Variants in BTBD8 observed in about 807,000 individuals in gnomAD.
The protein encoded by BTBD8 is BTB domain containing 8.
Under a neutral mutation model 162.9 loss-of-function variants are expected in BTBD8, and 110 were observed. That is an observed-to-expected ratio of 0.68 (90% CI 0.58 to 0.79). The LOEUF is 0.79. Among genes scored for constraint, BTBD8 ranks in the 30% least tolerant of loss-of-function variants. BTBD8 has a pLI of 0.00. For missense variants in BTBD8, 1,905 were observed against 2,085.4 expected (o/e 0.91, Z 1.68); for synonymous variants, 667 against 716.1 (o/e 0.93, Z 1.10).
At chr1:92,141,037 A>T in intron 6 of BTBD8, 78 bp from the exon 7 acceptor site, 1 of 1,295,342 alleles carries the variant, frequency 7.7e-7, no homozygotes, top group East Asian at 2.8e-5. Flanking sequence ...AACAGACTAT[A>T]TATTATCAAT....
intron 4 of BTBD8, chr1:92,115,345 TG>T: frequency 2.2e-6 from 1 of 453,592 alleles, no homozygotes; most frequent in Non-Finnish European, 4.2e-6. Flanking sequence ...GCTAAGCAGT[TG>T]GTGGTACAGG....
intron 7 of BTBD8, among the ~76,000 whole-genome samples, chr1:92,142,915 T>G (rs1649811206): frequency 6.6e-6 from 1 of 152,192 alleles, no homozygotes; most frequent in African/African-American, 2.4e-5. Context: ...ATTTATAGTC[T>G]TCCATATGAA....
At chr1:92,156,300 T>G (rs1650157421) in intron 9 of BTBD8, among the ~76,000 whole-genome samples, 1 of 152,206 alleles carries the variant, frequency 6.6e-6, no homozygotes, top group South Asian at 2.1e-4. Flanking sequence ...ATCTTTATAA[T>G]GTACTGTTGA....
At chr1:92,158,102 C>T (rs938139807) in intron 9 of BTBD8, among the ~76,000 whole-genome samples, 3 of 151,952 alleles carry the variant, frequency 2.0e-5, no homozygotes, top group Non-Finnish European at 2.9e-5. Flanking sequence ...TTTTTTATTC[C>T]TTCACTTCCA....
At chr1:92,153,562 T>C (rs772685207) in intron 9 of BTBD8, among the ~76,000 whole-genome samples, 5 of 152,154 alleles carry the variant, frequency 3.3e-5, no homozygotes, top group Non-Finnish European at 7.4e-5. Context: ...CACCATTCCA[T>C]TCTCTGATTC....
intron 9 of BTBD8, among the ~76,000 whole-genome samples, chr1:92,161,415 T>TTAG (rs1650270784): frequency 6.6e-6 from 1 of 152,234 alleles, no homozygotes. Context: ...TAAATATGTT[T>TTAG]TAGTGTGAGG....
chr1:92,170,882 T>G (rs559132297), intron 12 of BTBD8, among the ~76,000 whole-genome samples: 1 of 150,024 alleles, frequency 6.7e-6, no homozygotes, highest in Non-Finnish European at 1.5e-5. Flanking sequence ...ATTCTTATTT[T>G]ATTTTCAGTA....
At chr1:92,098,438 T>C (rs1648508659) in intron 2 of BTBD8, among the ~76,000 whole-genome samples, 1 of 152,220 alleles carries the variant, frequency 6.6e-6, no homozygotes, top group Admixed American at 6.5e-5. Flanking sequence ...TCTTGTATTA[T>C]ATACCTAGGA....
chr1:92,138,531 A>C (rs1238623108), intron 5 of BTBD8, among the ~76,000 whole-genome samples: 1 of 152,238 alleles, frequency 6.6e-6, no homozygotes, highest in African/African-American at 2.4e-5. Context: ...TTGAATCTGC[A>C]TGGCAGATAT....
intron 4 of BTBD8, among the ~76,000 whole-genome samples, chr1:92,127,144 G>A (rs1649381296): frequency 1.3e-5 from 2 of 152,024 alleles, no homozygotes; most frequent in Admixed American, 1.3e-4. Flanking sequence ...TTTTAGATGT[G>A]GCTATCTATA....
In BTBD8 at chr1:92,176,851, C is replaced by G. The variant is rs961193684; in HGVS notation, c.1658C>G (p.Ser553Cys). The G allele has an allele frequency of 1.4e-6, 2 of 1,446,772 alleles. No homozygotes were observed. The highest frequency in any genetic ancestry group is 1.8e-6 in the Non-Finnish European group (2 of 1,096,004). The allele number at this position is 1,446,772 out of a possible 1,614,324, so 89.6% of individuals were successfully genotyped here. A position where few individuals can be genotyped will look rare whatever the true frequency, so the allele number is the denominator to read the frequency against. Residue 553 changes from serine (S) to cysteine (C), a missense_variant, in exon 14 of 18, where the codon TCT (serine) becomes TGT (cysteine). Ser to Cys is a moderately radical substitution (Grantham distance 112, BLOSUM62 -1). Around this residue, in one of 3 missense-constraint regions of BTBD8, gnomAD observed 1,374 missense variants for 1,442.7 expected, o/e 0.95. Transcript: ENST00000636805. ...SSQQRKQVSD[S>C]GDIKIKSWRG... is the part of the protein sequence containing the mutation. ...TAGCAAAGGAAACAAGTTTCTGACT[C>G]TGGTGATATAAAAATCAAATCTTGG...
At chr1:92,102,199 A>G (rs188233534) in intron 2 of BTBD8, among the ~76,000 whole-genome samples, 1 of 151,888 alleles carries the variant, frequency 6.6e-6, no homozygotes, top group African/African-American at 2.4e-5. Flanking sequence ...GTATTTTTTT[A>G]TTAGAGACAG....
intron 7 of BTBD8, among the ~76,000 whole-genome samples, chr1:92,143,574 G>A (rs1056094959): frequency 6.6e-5 from 10 of 152,028 alleles, no homozygotes; most frequent in Admixed American, 5.2e-4. Context: ...GCAGTGGTAC[G>A]ATCTCTGCTC....
intron 1 of BTBD8, among the ~76,000 whole-genome samples, chr1:92,082,711 G>T (rs1648052014): frequency 6.6e-6 from 1 of 152,212 alleles, no homozygotes; most frequent in Admixed American, 6.5e-5. Flanking sequence ...GATATGTAGA[G>T]AAGTGAGGAA....
chr1:92,170,263 G>A (rs926020442), intron 12 of BTBD8, among the ~76,000 whole-genome samples: 1 of 151,972 alleles, frequency 6.6e-6, no homozygotes, highest in Admixed American at 6.6e-5. Flanking sequence ...AGGACTTTTC[G>A]TTCTGTTACA....
intron 1 of BTBD8, among the ~76,000 whole-genome samples, chr1:92,087,120 C>T (rs1570711748): frequency 2.0e-5 from 3 of 152,140 alleles, no homozygotes; most frequent in Admixed American, 1.3e-4. Context: ...ACAAAATATA[C>T]TTGAAACTGA....
rs150938488 is a variant in BTBD8 at position 92,147,687 on chromosome 1, G to A, written c.1023G>A (p.Trp341Ter). Residue 341 changes from tryptophan to a stop codon, truncating the protein, a stop_gained, in exon 9 of 18, where the codon TGG becomes TGA. Coordinates refer to ENST00000636805, the MANE Select transcript of BTBD8 (RefSeq NM_001376131.1). LOFTEE classifies it high-confidence loss of function. ...TGGTATTCTTTTATTTTAACAGGTG[G>A]ATTGTAAAGCATTTTGCAAGGTTTT... Reference protein sequence around the residue: ...VESLFADCMKWIVKHFARFWS... With the variant: ...VESLFADCMK The A allele has an allele frequency of 1.9e-6, 3 of 1,601,204 alleles. No individual in the cohort carries two copies. The highest frequency in any genetic ancestry group is 1.3e-5 in the African/African-American group (1 of 74,302).
chr1:92,124,397 T>C (rs964917662), intron 4 of BTBD8, among the ~76,000 whole-genome samples: 1 of 152,252 alleles, frequency 6.6e-6, no homozygotes, highest in South Asian at 2.1e-4. Flanking sequence ...CCACCCTTCA[T>C]TGGAATATAA....
chr1:92,141,464 G>A (rs1649774486), intron 7 of BTBD8, among the ~76,000 whole-genome samples: 1 of 152,094 alleles, frequency 6.6e-6, no homozygotes, highest in Non-Finnish European at 1.5e-5. Context: ...ATAATTCAAA[G>A]GTGCTCAGAG....
Sources: gnomAD v4.1 joint callset for allele counts (sites outside exome capture counted in the v4.1 genomes callset) on GRCh38, gnomAD v4.1.1 for gene constraint, gnomAD v4.1.1 regional missense constraint, MANE v1.5 for transcripts, NCBI Gene and HGNC (gene_info 2026-07-23, HGNC 2026-07-21) for gene names.